The following NPDC1 variants were observed in gnomAD, a reference collection of about 807,000 sequenced individuals.
NPDC1 encodes neural proliferation, differentiation and control 1.
In NPDC1, 18 loss-of-function variants were observed where a neutral mutation model predicts 32.5. The ratio of observed to expected loss-of-function variants is 0.55; its 90% CI spans 0.38 to 0.82. The LOEUF is 0.82. Ranked by LOEUF, NPDC1 falls within the 40% of genes least tolerant of loss-of-function variation. NPDC1 has a pLI of 0.00. For missense variants in NPDC1, 468 were observed against 406.6 expected (o/e 1.15, Z -1.30); for synonymous variants, 210 against 184.7 (o/e 1.14, Z -1.11).
Position 137,041,974 on chromosome 9 carries a change from G to T in NPDC1, c.260-787C>A, listed in dbSNP as rs184439156. Among the ~76,000 whole-genome samples, 425 of 152,372 alleles carry T rather than the reference G, an allele frequency of 2.8e-3. 2 individuals carry two copies. The highest frequency in any genetic ancestry group is 9.8e-3 in the African/African-American group (408 of 41,590). Reference sequence around the variant, plus strand: ...GAAAAGAGCAAGCTGCCTGGGGACGGGGAAGTGGGGGCCTGGAGGGCTTCT... The same window carrying T: ...GAAAAGAGCAAGCTGCCTGGGGACGTGGAAGTGGGGGCCTGGAGGGCTTCT... On this transcript the variant is annotated intron_variant, in intron 2 of 8. Coordinates refer to ENST00000371601, the MANE Select transcript of NPDC1 (RefSeq NM_015392.4).
At chr9:137,041,025 G>T (rs202011502) in intron 3 of NPDC1, 37 bp downstream of exon 3, 6 of 1,523,236 alleles carry the variant, frequency 3.9e-6, no homozygotes, top group Middle Eastern at 1.8e-4. Flanking sequence ...ACTGGGCTAG[G>T]GACAGGGCCG....
chr9:137,044,842 C>T (rs1166499305), intron 1 of NPDC1, among the ~76,000 whole-genome samples: 1 of 152,234 alleles, frequency 6.6e-6, no homozygotes, highest in African/African-American at 2.4e-5. Context: ...TCTCGGAAGC[C>T]TCTCCTGTTC....
Position 137,039,548 on chromosome 9 carries a change from C to G in NPDC1, c.*224G>C. On this transcript the variant is annotated 3_prime_UTR_variant, in exon 9 of 9. Transcript: ENST00000371601. ...CGCTCTACGGTTCTCCATGCCCCCT[C>G]CAGTTTGGGGGTCTAAACCGAACAG... 1 of 532,594 alleles carries G rather than the reference C, an allele frequency of 1.9e-6. No homozygotes were observed. The highest frequency in any genetic ancestry group is 3.3e-6 in the Non-Finnish European group (1 of 303,390). 33.0% of individuals were successfully genotyped at this position (532,594 alleles called of 1,614,324 possible). A position where few individuals can be genotyped will look rare whatever the true frequency, so the allele number is the denominator to read the frequency against.
chr9:137,044,425 G>A lies in NPDC1; in HGVS notation c.113-1352C>T, dbSNP rs79590617. ...CCCGCTCCTGTGCTGATACCCCACC[G>A]TCCACCACGCCAAAGGCAGGGGCCT... is the stretch of plus-strand genomic sequence containing the variant. On this transcript the variant is annotated intron_variant, in intron 1 of 8. Coordinates refer to ENST00000371601, the MANE Select transcript of NPDC1 (RefSeq NM_015392.4). Among the ~76,000 whole-genome samples the A allele has an allele frequency of 1.5e-3, 229 of 152,274 alleles. 1 individual carries two copies. Among genetic ancestry groups the A allele is most frequent in the African/African-American group, 5.2e-3 (218 of 41,552 alleles).
Position 137,041,181 on chromosome 9 carries a change from C to A in NPDC1, c.266G>T (p.Gly89Val), listed in dbSNP as rs1588547839. Residue 89 changes from glycine to valine, a missense_variant, in exon 3 of 9, where the codon GGC becomes GTC. Coordinates refer to ENST00000371601, the MANE Select transcript of NPDC1 (RefSeq NM_015392.4). Reference sequence around the variant, plus strand: ...ATCTTCCAGTCTGGGCTGGGGCCGGCCCCCGCCTGGGGAGGGTGAGGGGCC... The same window carrying A: ...ATCTTCCAGTCTGGGCTGGGGCCGGACCCCGCCTGGGGAGGGTGAGGGGCC... ...VPRMRRPPGG[G>V]RPQPRLEDEI... 1 of 1,437,464 alleles carries A rather than the reference C, an allele frequency of 7.0e-7. No individual in the cohort carries two copies. Among genetic ancestry groups the A allele is most frequent in the Non-Finnish European group, 9.1e-7 (1 of 1,093,962 alleles). The allele number at this position is 1,437,464 out of a possible 1,614,324, so 89.0% of individuals were successfully genotyped here. A position where few individuals can be genotyped will look rare whatever the true frequency, so the allele number is the denominator to read the frequency against.
At chr9:137,044,350 G>C (rs1214706400) in intron 1 of NPDC1, among the ~76,000 whole-genome samples, 1 of 152,216 alleles carries the variant, frequency 6.6e-6, no homozygotes, top group Non-Finnish European at 1.5e-5. Context: ...TGTGCCAGCA[G>C]GTCCACCTGG....
rs1370389203 is a variant in NPDC1, at chr9:137,045,964, G to C, written c.26C>G (p.Ser9Cys). ...CCGCAGCAGCCGCAGGTGCCGCGGGGAGGGCGGAGGCAGCGGCGTCGCCAT... is the reference window on the plus strand; with the variant it reads ...CCGCAGCAGCCGCAGGTGCCGCGGGCAGGGCGGAGGCAGCGGCGTCGCCAT... MATPLPPP[S>C]PRHLRLLRLL... Residue 9 changes from serine to cysteine, a missense_variant, in exon 1 of 9, where the codon TCC (serine) becomes TGC (cysteine). Physicochemically the swap from Ser to Cys is moderately radical, Grantham distance 112. Coordinates refer to ENST00000371601, the MANE Select transcript of NPDC1 (RefSeq NM_015392.4). 8.4e-7 allele frequency: 1 copy of C among 1,192,374 alleles called. No individual in the cohort carries two copies. The highest frequency in any genetic ancestry group is 4.5e-5 in the Admixed American group (1 of 22,240). 73.9% of individuals were successfully genotyped at this position (1,192,374 alleles called of 1,614,324 possible).
chr9:137,043,652 G>A (rs1832089655), intron 1 of NPDC1: 2 of 456,202 alleles, frequency 4.4e-6, no homozygotes, highest in African/African-American at 1.9e-5. Flanking sequence ...GACCTCACTG[G>A]CCTCAGACAC....
At chr9:137,042,359 T>C (rs1832070115) in intron 2 of NPDC1, among the ~76,000 whole-genome samples, 1 of 151,598 alleles carries the variant, frequency 6.6e-6, no homozygotes, top group Admixed American at 6.6e-5. Flanking sequence ...GTTCACGCCA[T>C]TCTCCTGCCT....
chr9:137,039,826 G>A lies in NPDC1; in HGVS notation c.924C>T (p.His308=), dbSNP rs754438597. Residue 308 remains histidine (H), a synonymous_variant, in exon 9 of 9, where the codon CAC becomes CAT. Coordinates refer to ENST00000371601, the MANE Select transcript of NPDC1 (RefSeq NM_015392.4). The stretch of plus-strand genomic sequence containing the variant: ...CCGGCAGGGGCGCGGACAGTGCGGC[G>A]TGGTCGAACAGAGGGTTGCGCACCT... ...EMEVRNPLFD[H]AALSAPLPAP... The A allele has an allele frequency of 6.4e-6, 5 of 779,108 alleles. No individual in the cohort carries two copies. The highest frequency in any genetic ancestry group is 3.4e-5 in the African/African-American group (2 of 59,116). The allele number at this position is 779,108 out of a possible 1,614,324, so 48.3% of individuals were successfully genotyped here.
At chr9:137,045,580 G>A (rs1440842061) in intron 1 of NPDC1, among the ~76,000 whole-genome samples, 2 of 152,260 alleles carry the variant, frequency 1.3e-5, no homozygotes, top group Non-Finnish European at 2.9e-5. Flanking sequence ...GATGGCCGCG[G>A]CGCGGAGGCC....
In NPDC1 at chr9:137,039,804, GC is replaced by G; in HGVS notation, c.945del (p.Pro316ArgfsTer37). 1 of 776,476 alleles carries G rather than the reference GC, an allele frequency of 1.3e-6. No homozygotes were observed. The highest frequency in any genetic ancestry group is 2.4e-6 in the Non-Finnish European group (1 of 416,334). The allele number at this position is 776,476 out of a possible 1,614,324, so 48.1% of individuals were successfully genotyped here. ...AGTGCAGGCGGTGAGCTGGGGGCCG[GC>G]AGGGGCGCGGACAGTGCGGCGTGGT... ...LFDHAALSAP[L>X]PAPSSPPALP On this transcript the variant is annotated frameshift_variant, in exon 9 of 9. Coordinates refer to ENST00000371601, the MANE Select transcript of NPDC1 (RefSeq NM_015392.4). LOFTEE classifies it high-confidence loss of function.
At position 137,040,021 on chromosome 9, in the gene NPDC1, C is replaced by T. The variant is rs1193604825; in HGVS notation, c.835G>A (p.Glu279Lys). The change falls in exon 8 of 9, where the codon GAG becomes AAG. Residue 279 changes from glutamate (E) to lysine (K), a missense_variant. Transcript: ENST00000371601. The part of the protein sequence containing the change: ...KELDTASSDE[E>K]NEDGDFTVYE... ...ACCGTGAAGTCTCCGTCCTCATTCTCCTCATCCGAGGAGGCCGTGTCCAGC... is the reference window on the plus strand; with the variant it reads ...ACCGTGAAGTCTCCGTCCTCATTCTTCTCATCCGAGGAGGCCGTGTCCAGC... 1.3e-6 allele frequency: 1 copy of T among 779,114 alleles called. No homozygotes were observed. 48.3% of individuals were successfully genotyped at this position (779,114 alleles called of 1,614,324 possible).
intron 1 of NPDC1, among the ~76,000 whole-genome samples, chr9:137,044,434 G>A (rs1331809305): frequency 3.9e-5 from 6 of 152,204 alleles, no homozygotes; most frequent in Admixed American, 2.0e-4. Context: ...CGTCCACCAC[G>A]CCAAAGGCAG....
chr9:137,041,327 C>A, intron 2 of NPDC1, 140 bp from the exon 3 acceptor site: 1 of 992,840 alleles, frequency 1.0e-6, no homozygotes, highest in Non-Finnish European at 1.3e-6. Context: ...TCCCAGATTG[C>A]CATGGTGACA....
At chr9:137,045,086 T>TC (rs1832110688) in intron 1 of NPDC1, among the ~76,000 whole-genome samples, 1 of 152,008 alleles carries the variant, frequency 6.6e-6, no homozygotes, top group African/African-American at 2.4e-5. Context: ...CCCAGTTCAG[T>TC]CCCCCCAGAA....
In NPDC1 at chr9:137,040,522, G is replaced by C; in HGVS notation, c.700C>G (p.Arg234Gly). 1.3e-6 allele frequency: 2 copies of C among 1,589,988 alleles called. No homozygotes were observed. Among genetic ancestry groups the C allele is most frequent in the Non-Finnish European group, 8.5e-7 (1 of 1,173,466 alleles). Residue 234 changes from arginine to glycine, a missense_variant, in exon 6 of 9, where the codon CGG (arginine) becomes GGG (glycine). By Grantham distance (125) the Arg-to-Gly change is moderately radical (BLOSUM62 -2). Coordinates refer to ENST00000371601, the MANE Select transcript of NPDC1 (RefSeq NM_015392.4). ...TGAAGGGGGCCACACACCGAGATCC[G>C]GGGAGCTGCAGGTGAGCCAGGGGCC... is the stretch of plus-strand genomic sequence containing the variant. The part of the protein sequence containing the change: ...AKAPGSPAAP[R>G]ISPGDQRLAQ...
Position 137,046,006 on chromosome 9 carries a change from C to A in NPDC1, c.-17G>T, listed in dbSNP as rs927232056. ...CGTCGCCATCCTTCAGCGCCGCCGC[C>A]GGGGCAGCATGGCACCGCGAGGCCA... is the stretch of plus-strand genomic sequence containing the variant. On this transcript the variant is annotated 5_prime_UTR_variant, in exon 1 of 9. Transcript: ENST00000371601. The A allele has an allele frequency of 5.9e-6, 7 of 1,191,192 alleles. No individual in the cohort carries two copies. The East Asian group carries it at 2.5e-4, about 42-fold the overall frequency. The allele number at this position is 1,191,192 out of a possible 1,614,324, so 73.8% of individuals were successfully genotyped here. A position where few individuals can be genotyped will look rare whatever the true frequency, so the allele number is the denominator to read the frequency against.
intron 2 of NPDC1, 28 bp from the exon 3 acceptor site, chr9:137,041,215 G>A (rs1001978154): frequency 7.0e-7 from 1 of 1,418,752 alleles, no homozygotes; most frequent in African/African-American, 1.5e-5. Context: ...CCATCAGGTG[G>A]AGGGGTCCGT....
Sources: gnomAD v4.1 joint callset for allele counts (sites outside exome capture counted in the v4.1 genomes callset) on GRCh38, gnomAD v4.1.1 for gene constraint, MANE v1.5 for transcripts, NCBI Gene and HGNC (gene_info 2026-07-23, HGNC 2026-07-21) for gene names.